Variants in ACTR3C observed in about 807,000 individuals in gnomAD.
The protein encoded by ACTR3C is actin-related protein 3C.
A neutral mutation model predicts 26.3 loss-of-function variants in ACTR3C; 18 were observed. The ratio of observed to expected loss-of-function variants is 0.68; its 90% CI spans 0.47 to 1.01. The LOEUF is 1.01. Among genes scored for constraint, ACTR3C ranks in the 50% least tolerant of loss-of-function variants. The pLI is 0.00. For synonymous variants in ACTR3C, 55 were observed against 94.5 expected (o/e 0.58, Z 2.42); for missense variants, 184 against 250.7 (o/e 0.73, Z 1.80).
intron 1 of ACTR3C, among the ~76,000 whole-genome samples, chr7:150,314,956 TAATAATA>T (rs1796703065): frequency 6.8e-6 from 1 of 147,632 alleles, no homozygotes; most frequent in Admixed American, 6.8e-5. Flanking sequence ...AGTTTCAACA[TAATAATA>T]AATAATAAAT....
At chr7:149,891,027 T>C in the ACTR3C span, 6 of 908,152 alleles carry the variant, frequency 6.6e-6, no homozygotes, top group African/African-American at 3.4e-5. Context: ...AGCCCCTTTT[T>C]GTTCTGAACG....
the ACTR3C span, among the ~76,000 whole-genome samples, chr7:150,080,223 T>A: frequency 0.14 from 20,855 of 150,082 alleles, 1,640 homozygotes; most frequent in South Asian, 0.25. Context: ...GAGGTTTGGA[T>A]CCGCTGATCT....
downstream of ACTR3C, among the ~76,000 whole-genome samples, chr7:150,243,422 C>T (rs574026714): frequency 3.3e-5 from 5 of 151,902 alleles, no homozygotes; most frequent in East Asian, 7.7e-4. Context: ...GTATAGTTTT[C>T]TAAATATTAT....
chr7:149,940,893 G>A, the ACTR3C span, among the ~76,000 whole-genome samples: 2 of 151,348 alleles, frequency 1.3e-5, no homozygotes, highest in African/African-American at 2.4e-5. Context: ...ATGGCTCTGT[G>A]AGCCAGGCCA....
chr7:149,929,732 T>C, the ACTR3C span, among the ~76,000 whole-genome samples: 3 of 152,078 alleles, frequency 2.0e-5, no homozygotes, highest in Non-Finnish European at 4.4e-5. Context: ...GGTTTCACCA[T>C]GTTGGCCAGG....
chr7:149,992,412 C>T, the ACTR3C span, among the ~76,000 whole-genome samples: 1 of 152,218 alleles, frequency 6.6e-6, no homozygotes, highest in African/African-American at 2.4e-5. Flanking sequence ...ATTAGTCCTC[C>T]CCAGCCATAT....
At chr7:150,263,447 C>T (rs1254491780) in intron 6 of ACTR3C, among the ~76,000 whole-genome samples, 6 of 142,844 alleles carry the variant, frequency 4.2e-5, no homozygotes, top group East Asian at 2.0e-4. Flanking sequence ...ACAATGTTGC[C>T]GCTTAGAGAA....
At chr7:150,235,163 T>G in the ACTR3C span, among the ~76,000 whole-genome samples, 1 of 152,252 alleles carries the variant, frequency 6.6e-6, no homozygotes, top group African/African-American at 2.4e-5. Context: ...TTCAGTGCCA[T>G]GTGGCCAGCT....
At chr7:150,246,490 T>A (rs554392363), downstream of ACTR3C, 11 of 152,312 alleles carry the variant, frequency 7.2e-5, no homozygotes, top group South Asian at 2.1e-3. Flanking sequence ...AGCCACTGCA[T>A]TGATTTGCAA....
At chr7:150,034,806 C>CA in the ACTR3C span, among the ~76,000 whole-genome samples, 3 of 148,844 alleles carry the variant, frequency 2.0e-5, no homozygotes, top group Non-Finnish European at 3.0e-5. Flanking sequence ...TCTCAGTCCC[C>CA]GCCTCGTGGG....
At chr7:149,933,850 T>C in the ACTR3C span, among the ~76,000 whole-genome samples, 191 of 148,254 alleles carry the variant, frequency 1.3e-3, no homozygotes, top group African/African-American at 4.6e-3. Context: ...GCAAGTTCCA[T>C]TCAACACTAG....
the ACTR3C span, among the ~76,000 whole-genome samples, chr7:150,015,774 G>A: frequency 3.9e-5 from 6 of 152,308 alleles, no homozygotes; most frequent in South Asian, 2.1e-4. Flanking sequence ...CACAGTGACC[G>A]CTCCCTCCTC....
the ACTR3C span, among the ~76,000 whole-genome samples, chr7:149,965,842 T>C: frequency 1.3e-5 from 2 of 152,192 alleles, no homozygotes; most frequent in African/African-American, 2.4e-5. Context: ...GAACATTTTT[T>C]AGAACTTTTG....
chr7:150,225,754 G>A, the ACTR3C span, among the ~76,000 whole-genome samples: 1,785 of 152,232 alleles, frequency 0.012, 44 homozygotes, highest in African/African-American at 0.04. Context: ...TCCTAAATAC[G>A]ATTTTAAATT....
intron 1 of ACTR3C, among the ~76,000 whole-genome samples, chr7:150,304,114 T>C (rs2531016): frequency 1.3e-5 from 2 of 152,174 alleles, no homozygotes; most frequent in African/African-American, 2.4e-5. Flanking sequence ...GAGGCGACAA[T>C]ATACTGGAAG....
the ACTR3C span, among the ~76,000 whole-genome samples, chr7:150,003,800 G>A: frequency 1.3e-5 from 2 of 152,142 alleles, no homozygotes; most frequent in East Asian, 1.9e-4. Flanking sequence ...GGTGTGTGTG[G>A]TGTTTGTGTT....
the ACTR3C span, among the ~76,000 whole-genome samples, chr7:150,040,352 T>G: frequency 2.7e-5 from 4 of 148,074 alleles, no homozygotes; most frequent in Non-Finnish European, 6.0e-5. Context: ...TGGAAAAGGC[T>G]TTGTCAGATC....
chr7:150,240,958 A>G (rs1214338259), downstream of ACTR3C, among the ~76,000 whole-genome samples: 1 of 152,214 alleles, frequency 6.6e-6, no homozygotes, highest in African/African-American at 2.4e-5. Flanking sequence ...AAAAGCATCA[A>G]AATAGCATAA....
the ACTR3C span, among the ~76,000 whole-genome samples, chr7:150,179,734 TCCCTGCTTGGCCTA>T: frequency 6.6e-6 from 1 of 151,766 alleles, no homozygotes; most frequent in African/African-American, 2.4e-5. Context: ...CAAGAAATCC[TCCCTGCTTGGCCTA>T]CCAAAGTGCT....
Sources: allele counts gnomAD v4.1 joint callset (sites outside exome capture counted in the v4.1 genomes callset), GRCh38; gene constraint gnomAD v4.1.1; transcripts MANE v1.5; gene names NCBI Gene and HGNC (gene_info 2026-07-23, HGNC 2026-07-21).